The following CRB1 variants were observed in gnomAD, a reference collection of about 807,000 sequenced individuals.
CRB1 encodes the protein protein crumbs homolog 1.
CRB1 carries 83 observed loss-of-function variants against 120.0 expected under a neutral mutation model. That is an observed-to-expected ratio of 0.69 (90% CI 0.58 to 0.83). The LOEUF is 0.83. Ranked by LOEUF, CRB1 falls within the 40% of genes least tolerant of loss-of-function variation. The probability of loss-of-function intolerance (pLI) is 0.00; values close to 1 mark genes in which losing one functional copy is unlikely to be tolerated. For missense variants in CRB1, 1,699 were observed against 1,687.6 expected (o/e 1.01, Z -0.12); for synonymous variants, 625 against 612.5 (o/e 1.02, Z -0.30).
Position 197,328,699 on chromosome 1 carries a change from G to A in CRB1, c.348G>A (p.Lys116=), listed in dbSNP as rs763032541. ...AAACTACCATTGGTTCCTGTGGCAAGAACTCCTGCCAACATGGAGGTATTT... is the reference window on the plus strand; with the variant it reads ...AAACTACCATTGGTTCCTGTGGCAAAAACTCCTGCCAACATGGAGGTATTT... ...ICETTIGSCG[K]NSCQHGGICH... The change falls in exon 2 of 12, where the codon AAG becomes AAA. Residue 116 remains lysine, a synonymous_variant. Transcript: ENST00000367400. 2.5e-6 allele frequency: 4 copies of A among 1,613,164 alleles called. No individual in the cohort carries two copies. In the African/African-American group the frequency reaches 5.3e-5, roughly 22 times the overall value.
chr1:197,340,062 A>G (rs1659363636), intron 2 of CRB1, among the ~76,000 whole-genome samples: 1 of 152,230 alleles, frequency 6.6e-6, no homozygotes, highest in Admixed American at 6.5e-5. Context: ...GACCTCAAGG[A>G]GCTCACAATT....
chr1:197,223,847 C>T, the CRB1 span, among the ~76,000 whole-genome samples: 890 of 152,160 alleles, frequency 5.8e-3, 11 homozygotes, highest in African/African-American at 0.021. Context: ...GACCCATACT[C>T]TAGTATGGAT....
chr1:197,252,578 ATATATGTGTG>A, the CRB1 span, among the ~76,000 whole-genome samples: 5 of 28,686 alleles, frequency 1.7e-4, no homozygotes, highest in African/African-American at 2.8e-4. Context: ...ATATATATAT[ATATATGTGTG>A]TGTGTGTGTG....
intron 5 of CRB1, among the ~76,000 whole-genome samples, chr1:197,392,326 A>G (rs143487228): frequency 7.1e-4 from 108 of 152,180 alleles, no homozygotes; most frequent in African/African-American, 2.5e-3. Context: ...TCAAAATCTG[A>G]GTCTAGCTAA....
chr1:197,360,311 C>T (rs1349502316), intron 5 of CRB1: 1 of 152,224 alleles, frequency 6.6e-6, no homozygotes, highest in Non-Finnish European at 1.5e-5. Context: ...CCTAGCCAGC[C>T]CCACTGCTGT....
intron 11 of CRB1, among the ~76,000 whole-genome samples, chr1:197,454,530 C>T (rs1229905311): frequency 6.6e-6 from 1 of 151,988 alleles, no homozygotes; most frequent in East Asian, 1.9e-4. Flanking sequence ...TAGGTTTTTC[C>T]CGTCAGAACA....
intron 5 of CRB1, among the ~76,000 whole-genome samples, chr1:197,366,136 T>G (rs1212660270): frequency 1.3e-5 from 2 of 152,122 alleles, no homozygotes; most frequent in African/African-American, 4.8e-5. Flanking sequence ...TATCATTTAT[T>G]TTTATCAATG....
chr1:197,465,993 C>T lies in CRB1; in HGVS notation c.4006-11671C>T, dbSNP rs114497910. Among the ~76,000 whole-genome samples the T allele has an allele frequency of 3.8e-3, 579 of 152,242 alleles. 3 individuals are homozygous for T. The highest frequency in any genetic ancestry group is 0.013 in the African/African-American group (549 of 41,532). ...AATATATTTTACATGGGTGACTTGA[C>T]GCCACACTTTATCACTTACATGAGG... is the stretch of plus-strand genomic sequence containing the variant. On this transcript the variant is annotated intron_variant, in intron 11 of 11. Transcript: ENST00000367400.
chr1:197,419,055 T>C (rs1044723679), intron 5 of CRB1, among the ~76,000 whole-genome samples: 5 of 152,206 alleles, frequency 3.3e-5, no homozygotes, highest in Non-Finnish European at 7.3e-5. Context: ...TACCAAACAA[T>C]GTTATGAATA....
At chr1:197,350,511 C>G (rs1371167269) in intron 4 of CRB1, among the ~76,000 whole-genome samples, 1 of 152,178 alleles carries the variant, frequency 6.6e-6, no homozygotes, top group South Asian at 2.1e-4. Flanking sequence ...AGTACATGTT[C>G]CATTCATTCA....
intron 4 of CRB1, among the ~76,000 whole-genome samples, chr1:197,355,359 A>C (rs1028572199): frequency 6.6e-6 from 1 of 152,168 alleles, no homozygotes; most frequent in South Asian, 2.1e-4. Flanking sequence ...CAGGGGCCGC[A>C]GGTGGAGCTG....
chr1:197,345,887 A>C (rs1373719460), intron 3 of CRB1, among the ~76,000 whole-genome samples: 1 of 152,036 alleles, frequency 6.6e-6, no homozygotes, highest in African/African-American at 2.4e-5. Flanking sequence ...CTTGCCTTTG[A>C]CTTTTAGTTG....
At chr1:197,411,022 C>T (rs891287184) in intron 5 of CRB1, among the ~76,000 whole-genome samples, 3 of 152,182 alleles carry the variant, frequency 2.0e-5, no homozygotes, top group African/African-American at 7.2e-5. Flanking sequence ...CATAAAATTC[C>T]ATGTGTTAGA....
At chr1:197,351,364 C>CAAAA (rs35672792) in intron 4 of CRB1, among the ~76,000 whole-genome samples, 7 of 86,016 alleles carry the variant, frequency 8.1e-5, no homozygotes, top group Admixed American at 1.4e-4. Flanking sequence ...TGAGACTTGG[C>CAAAA]AAAAAAAAAA....
chr1:197,447,685 A>G (rs1005946248), intron 11 of CRB1, among the ~76,000 whole-genome samples: 1 of 151,994 alleles, frequency 6.6e-6, no homozygotes, highest in Admixed American at 6.6e-5. Flanking sequence ...TGACAAAAAA[A>G]AAGAAAAGAA....
At chr1:197,279,106 G>T (rs568159422) in intron 1 of CRB1, among the ~76,000 whole-genome samples, 1 of 151,882 alleles carries the variant, frequency 6.6e-6, no homozygotes, top group Admixed American at 6.6e-5. Flanking sequence ...AATGAAAGTA[G>T]TTATATTTTG....
chr1:197,380,364 G>A (rs1661888831), intron 5 of CRB1, among the ~76,000 whole-genome samples: 1 of 152,008 alleles, frequency 6.6e-6, no homozygotes, highest in Non-Finnish European at 1.5e-5. Context: ...ATTCTAATGA[G>A]GCCCTATATT....
chr1:197,457,656 A>T (rs1171349354), intron 11 of CRB1, among the ~76,000 whole-genome samples: 1 of 152,148 alleles, frequency 6.6e-6, no homozygotes, highest in African/African-American at 2.4e-5. Flanking sequence ...TGCACAGAAG[A>T]AATTAGAACA....
chr1:197,282,209 A>G (rs568821884), intron 1 of CRB1, among the ~76,000 whole-genome samples: 1 of 151,890 alleles, frequency 6.6e-6, no homozygotes, highest in East Asian at 1.9e-4. Flanking sequence ...TGTTTTTTAA[A>G]TAAAATTTCA....
Sources: gnomAD v4.1 joint callset for allele counts (sites outside exome capture counted in the v4.1 genomes callset) on GRCh38, gnomAD v4.1.1 for gene constraint, MANE v1.5 for transcripts, NCBI Gene and HGNC (gene_info 2026-07-23, HGNC 2026-07-21) for gene names.